The following CDKAL1 variants were observed in gnomAD, a reference collection of about 807,000 sequenced individuals.
CDKAL1 encodes CDKAL1 threonylcarbamoyladenosine tRNA methylthiotransferase.
CDKAL1 carries 32 observed loss-of-function variants against 68.2 expected under a neutral mutation model. The observed-to-expected ratio is 0.47, with a 90% confidence interval of 0.35 to 0.63. CDKAL1 has a LOEUF of 0.63. Among genes scored for constraint, CDKAL1 ranks in the 30% least tolerant of loss-of-function variants. CDKAL1 has a pLI of 0.00. For synonymous variants in CDKAL1, 234 were observed against 244.3 expected (o/e 0.96, Z 0.39); for missense variants, 606 against 696.7 (o/e 0.87, Z 1.47).
In CDKAL1 at chr6:21,091,857, C is replaced by CTTTTTTTTTTTTT. The variant is rs70990099; in HGVS notation, c.1237-16509_1237-16497dup. ...AATGCAGCAACAGGCTCAGAACTTTCTTTTTTTTTTTTTTTTTTTTTTTTT... is the reference window on the plus strand; with the variant it reads ...AATGCAGCAACAGGCTCAGAACTTTCTTTTTTTTTTTTTTTTTTTTTTTTTTTTTTTTTTTTTT... On this transcript the variant is annotated intron_variant, in intron 12 of 15. Coordinates refer to ENST00000274695, the MANE Select transcript of CDKAL1 (RefSeq NM_017774.3). 1.6e-4 allele frequency among the ~76,000 whole-genome samples: 11 copies of CTTTTTTTTTTTTT among 70,538 alleles called. 1 individual carries two copies. The highest frequency in any genetic ancestry group is 2.6e-4 in the Non-Finnish European group (10 of 38,602). The allele number at this position is 70,538 out of a possible 152,430, so 46.3% of individuals were successfully genotyped here.
intron 4 of CDKAL1, among the ~76,000 whole-genome samples, chr6:20,568,621 G>C (rs1030269374): frequency 6.6e-6 from 1 of 151,496 alleles, no homozygotes; most frequent in Non-Finnish European, 1.5e-5. Flanking sequence ...TGTAGTCCCA[G>C]CTGCTTGGAA....
At position 20,964,233 on chromosome 6, in the gene CDKAL1, T is replaced by C. The variant is rs144234871; in HGVS notation, c.909+8648T>C. 1.8e-4 allele frequency among the ~76,000 whole-genome samples: 27 copies of C among 152,330 alleles called. No individual in the cohort carries two copies. In the East Asian group the frequency reaches 5.0e-3, roughly 28 times the overall value. Reference sequence around the variant, plus strand: ...ATGGAAGTGTAAATTAGTTCAACCATTGTGGAAGACTTTGTGGAGATTTCT... The same window carrying C: ...ATGGAAGTGTAAATTAGTTCAACCACTGTGGAAGACTTTGTGGAGATTTCT... On this transcript the variant is annotated intron_variant, in intron 10 of 15. Transcript: ENST00000274695.
chr6:20,551,900 T>C (rs1313461997), intron 4 of CDKAL1, among the ~76,000 whole-genome samples: 1 of 152,064 alleles, frequency 6.6e-6, no homozygotes, highest in Non-Finnish European at 1.5e-5. Context: ...TTGATTTATA[T>C]TTATTTATTT....
intron 4 of CDKAL1, among the ~76,000 whole-genome samples, chr6:20,595,123 C>A (rs1266832243): frequency 1.3e-5 from 2 of 152,122 alleles, no homozygotes; most frequent in Non-Finnish European, 2.9e-5. Context: ...TGATTTCAAC[C>A]TTTGTGAATC....
At chr6:20,999,629 C>T (rs1026353197) in intron 10 of CDKAL1, among the ~76,000 whole-genome samples, 8 of 123,894 alleles carry the variant, frequency 6.5e-5, no homozygotes, top group South Asian at 5.2e-4. Flanking sequence ...GTGCCTTTTG[C>T]GTAATAGATA....
rs112881161 is a variant in CDKAL1, at chr6:20,708,613, G to T, written c.372-30906G>T. 5.3e-4 allele frequency among the ~76,000 whole-genome samples: 80 copies of T among 152,298 alleles called. No homozygotes were observed. The Middle Eastern group carries it at 0.017, about 32-fold the overall frequency. The stretch of plus-strand genomic sequence containing the variant: ...AGGTGTTAGACAGTTTCAGGTTCGA[G>T]ACCTTGTTAATTGGTTTAACATCCC... On this transcript the variant is annotated intron_variant, in intron 5 of 15. Coordinates refer to ENST00000274695, the MANE Select transcript of CDKAL1 (RefSeq NM_017774.3).
chr6:21,128,020 A>G (rs1775106358), intron 13 of CDKAL1, among the ~76,000 whole-genome samples: 1 of 152,226 alleles, frequency 6.6e-6, no homozygotes, highest in Non-Finnish European at 1.5e-5. Context: ...GTGAGTATCC[A>G]GTGAGATAAT....
chr6:20,636,601 G>A (rs1767914829), intron 4 of CDKAL1, among the ~76,000 whole-genome samples: 1 of 152,178 alleles, frequency 6.6e-6, no homozygotes, highest in African/African-American at 2.4e-5. Flanking sequence ...CCATGGGAGG[G>A]ATGGATGGGA....
intron 9 of CDKAL1, among the ~76,000 whole-genome samples, chr6:20,877,716 GC>G (rs1760598203): frequency 6.6e-6 from 1 of 152,178 alleles, no homozygotes; most frequent in African/African-American, 2.4e-5. Context: ...TTAAACTTGT[GC>G]ATTAGGGTAG....
intron 13 of CDKAL1, among the ~76,000 whole-genome samples, chr6:21,169,528 T>C (rs1777288503): frequency 6.6e-6 from 1 of 152,066 alleles, no homozygotes; most frequent in Non-Finnish European, 1.5e-5. Flanking sequence ...CCCAGCTACT[T>C]GGGAGGCTGA....
chr6:20,980,568 T>C (rs1766091821), intron 10 of CDKAL1, among the ~76,000 whole-genome samples: 1 of 152,216 alleles, frequency 6.6e-6, no homozygotes, highest in Non-Finnish European at 1.5e-5. Context: ...CTTTGGATTG[T>C]TATTAAATTA....
intron 11 of CDKAL1, among the ~76,000 whole-genome samples, chr6:21,014,601 A>G (rs886208935): frequency 6.8e-6 from 1 of 148,102 alleles, no homozygotes; most frequent in African/African-American, 2.5e-5. Flanking sequence ...ACAGAGCGAG[A>G]CTCCGTCTCA....
intron 8 of CDKAL1, among the ~76,000 whole-genome samples, chr6:20,845,571 A>T (rs184770602): frequency 7.1e-4 from 108 of 152,216 alleles, no homozygotes; most frequent in Non-Finnish European, 1.2e-3. Flanking sequence ...AAGATTATCT[A>T]AAAATTTCTA....
chr6:20,899,626 C>T (rs888680904), intron 9 of CDKAL1, among the ~76,000 whole-genome samples: 4 of 152,032 alleles, frequency 2.6e-5, no homozygotes, highest in East Asian at 2.0e-4. Context: ...GGCAGATCAC[C>T]GAGGTAAGGA....
At chr6:20,716,037 C>T (rs1772075797) in intron 5 of CDKAL1, among the ~76,000 whole-genome samples, 2 of 152,110 alleles carry the variant, frequency 1.3e-5, no homozygotes. Flanking sequence ...TGGGATATGA[C>T]ATTTGAAGGG....
At chr6:20,958,449 A>G (rs1764895418) in intron 10 of CDKAL1, among the ~76,000 whole-genome samples, 1 of 152,196 alleles carries the variant, frequency 6.6e-6, no homozygotes, top group South Asian at 2.1e-4. Flanking sequence ...CAAAACGGGC[A>G]GTAGGGAAGG....
At chr6:20,771,442 G>C (rs911922482) in intron 7 of CDKAL1, among the ~76,000 whole-genome samples, 2 of 152,234 alleles carry the variant, frequency 1.3e-5, no homozygotes, top group East Asian at 3.9e-4. Context: ...AGGTCAGAGA[G>C]GCATTTTTTA....
chr6:20,979,121 A>C (rs548895365), intron 10 of CDKAL1, among the ~76,000 whole-genome samples: 2 of 152,356 alleles, frequency 1.3e-5, no homozygotes, highest in South Asian at 4.1e-4. Flanking sequence ...AAGTATAAAC[A>C]ATCTAGAGTT....
chr6:21,066,181 A>G (rs1771429921), intron 12 of CDKAL1, among the ~76,000 whole-genome samples: 1 of 152,140 alleles, frequency 6.6e-6, no homozygotes, highest in Admixed American at 6.5e-5. Context: ...AAATAGATGT[A>G]TATTAGTTAA....
Sources: allele counts gnomAD v4.1 joint callset (sites outside exome capture counted in the v4.1 genomes callset), GRCh38; gene constraint gnomAD v4.1.1; transcripts MANE v1.5; gene names NCBI Gene and HGNC (gene_info 2026-07-23, HGNC 2026-07-21).